CCDC91: variants seen among roughly 807,000 people sequenced by gnomAD.
The protein encoded by CCDC91 is coiled-coil domain containing 91, also known as coiled-coil domain-containing protein 91.
CCDC91 carries 48 observed loss-of-function variants against 63.2 expected under a neutral mutation model. The observed-to-expected ratio is 0.76, with a 90% CI of 0.60 to 0.97. The LOEUF (loss-of-function observed/expected upper bound fraction) is 0.97. CCDC91 is among the 50% of genes least tolerant of loss of function. CCDC91 has a pLI of 0.00. For synonymous variants in CCDC91, 167 were observed against 165.8 expected, an observed-to-expected ratio of 1.01 and a Z score of -0.06; for missense variants, 500 against 494.6, an observed-to-expected ratio of 1.01 and a Z score of -0.10.
At chr12:28,232,483 A>G (rs918384193) in intron 1 of CCDC91, among the ~76,000 whole-genome samples, 3 of 152,122 alleles carry the variant, frequency 2.0e-5, no homozygotes, top group African/African-American at 7.2e-5. Context: ...GTTACTATAA[A>G]TTCATCTTTG....
At chr12:28,429,698 G>A (rs1313003024) in intron 8 of CCDC91, among the ~76,000 whole-genome samples, 1 of 151,982 alleles carries the variant, frequency 6.6e-6, no homozygotes, top group Non-Finnish European at 1.5e-5. Context: ...TAAAAATTAA[G>A]TTCCTTAAAT....
At chr12:28,522,706 C>T (rs1209674739) in intron 12 of CCDC91, among the ~76,000 whole-genome samples, 3 of 151,614 alleles carry the variant, frequency 2.0e-5, no homozygotes, top group Non-Finnish European at 4.4e-5. Context: ...CTCTTGTGGG[C>T]ATTTAGTGCT....
chr12:28,290,925 T>C (rs1475280273), intron 3 of CCDC91, among the ~76,000 whole-genome samples: 1 of 152,238 alleles, frequency 6.6e-6, no homozygotes, highest in African/African-American at 2.4e-5. Context: ...GGTATAACTT[T>C]GGTATTTTAC....
At chr12:28,277,110 C>T (rs1044741123) in intron 3 of CCDC91, among the ~76,000 whole-genome samples, 4 of 151,852 alleles carry the variant, frequency 2.6e-5, no homozygotes, top group African/African-American at 4.8e-5. Flanking sequence ...TGTAAGATCA[C>T]GCAGAGTAGA....
intron 12 of CCDC91, among the ~76,000 whole-genome samples, chr12:28,505,139 G>A (rs1231450869): frequency 6.6e-6 from 1 of 151,852 alleles, no homozygotes; most frequent in Non-Finnish European, 1.5e-5. Context: ...CTTCTTTTTA[G>A]TTTTTCCAAA....
At position 28,437,387 on chromosome 12, in the gene CCDC91, A is replaced by G. The variant is rs904991481; in HGVS notation, c.763-12774A>G. On this transcript the variant is annotated intron_variant, in intron 8 of 12. Coordinates refer to ENST00000536442, the MANE Select transcript of CCDC91 (RefSeq NM_018318.5). ...AATGTTGCCTTATATATCTTCATGC[A>G]TATTGTTTTTATTCCTTTGTATTAC... 1.6e-4 allele frequency among the ~76,000 whole-genome samples: 24 copies of G among 152,122 alleles called. 1 individual carries two copies. Among genetic ancestry groups the G allele is most frequent in the Admixed American group, 1.3e-3 (20 of 15,252 alleles).
chr12:28,523,354 C>T (rs374347215), intron 12 of CCDC91, among the ~76,000 whole-genome samples: 5 of 152,020 alleles, frequency 3.3e-5, no homozygotes, highest in African/African-American at 9.6e-5. Flanking sequence ...CTTTTGATCT[C>T]TGTTGGTTTA....
chr12:28,314,433 A>C (rs901384145), intron 6 of CCDC91, among the ~76,000 whole-genome samples: 2 of 152,030 alleles, frequency 1.3e-5, no homozygotes, highest in Admixed American at 1.3e-4. Flanking sequence ...GTGCTTTATA[A>C]AGTTGGTTAA....
intron 6 of CCDC91, among the ~76,000 whole-genome samples, chr12:28,315,866 A>G (rs191871725): frequency 1.5e-4 from 23 of 151,916 alleles, no homozygotes; most frequent in Non-Finnish European, 2.2e-4. Flanking sequence ...AATGATAAAT[A>G]TACATATATC....
At chr12:28,263,728 T>C in intron 3 of CCDC91, among the ~76,000 whole-genome samples, 1 of 152,180 alleles carries the variant, frequency 6.6e-6, no homozygotes, top group South Asian at 2.1e-4. Flanking sequence ...GTCTGAGATT[T>C]GGAGGGTAGT....
chr12:28,386,082 A>T (rs562178253), intron 7 of CCDC91, among the ~76,000 whole-genome samples: 6 of 152,314 alleles, frequency 3.9e-5, no homozygotes, highest in Admixed American at 3.3e-4. Context: ...CTTGTCTTAG[A>T]TAATAACTTA....
chr12:28,543,689 G>C (rs1488911147), intron 12 of CCDC91, among the ~76,000 whole-genome samples: 4 of 151,896 alleles, frequency 2.6e-5, no homozygotes, highest in African/African-American at 9.7e-5. Flanking sequence ...TTCAAGGCCT[G>C]ATATCTCCCC....
chr12:28,488,003 A>G (rs112662922), intron 12 of CCDC91, among the ~76,000 whole-genome samples: 3 of 151,898 alleles, frequency 2.0e-5, no homozygotes, highest in African/African-American at 4.8e-5. Context: ...CTTATGGATT[A>G]TCTAACAATA....
chr12:28,478,048 A>G (rs1338634267), intron 11 of CCDC91, among the ~76,000 whole-genome samples: 1 of 152,196 alleles, frequency 6.6e-6, no homozygotes, highest in Non-Finnish European at 1.5e-5. Context: ...AAGGTAATTT[A>G]TAGATTCAAT....
intron 7 of CCDC91, among the ~76,000 whole-genome samples, chr12:28,373,932 G>T (rs1944784094): frequency 6.6e-6 from 1 of 152,112 alleles, no homozygotes; most frequent in South Asian, 2.1e-4. Context: ...TGAAGAAGGT[G>T]CATTGCTTGC....
intron 6 of CCDC91, among the ~76,000 whole-genome samples, chr12:28,316,575 T>C: frequency 6.9e-6 from 1 of 144,222 alleles, no homozygotes; most frequent in East Asian, 2.0e-4. Context: ...TTTTTTTTTT[T>C]TTTTTTTGCT....
At position 28,549,986 on chromosome 12, in the gene CCDC91, T is replaced by C. The variant is rs150411162; in HGVS notation, c.*813T>C. ...AATCTTTTCCCAGTATTTCAGAATGTACTTAATTCACAGGCAGGATGCTTC... is the reference window on the plus strand; with the variant it reads ...AATCTTTTCCCAGTATTTCAGAATGCACTTAATTCACAGGCAGGATGCTTC... On this transcript the variant is annotated 3_prime_UTR_variant, in exon 13 of 13. Transcript: ENST00000536442. 84 of 152,676 alleles carry C rather than the reference T, an allele frequency of 5.5e-4. No individual in the cohort carries two copies. Among genetic ancestry groups the C allele is most frequent in the African/African-American group, 1.9e-3 (81 of 41,586 alleles). 9.5% of individuals were successfully genotyped at this position (152,676 alleles called of 1,614,324 possible).
At chr12:28,239,515 A>G (rs1945190263) in intron 1 of CCDC91, among the ~76,000 whole-genome samples, 1 of 152,182 alleles carries the variant, frequency 6.6e-6, no homozygotes. Context: ...GGGAGTTCAT[A>G]TTAAGGTATT....
intron 8 of CCDC91, among the ~76,000 whole-genome samples, chr12:28,402,263 T>C (rs188167917): frequency 1.2e-4 from 18 of 152,332 alleles, no homozygotes; most frequent in Admixed American, 7.2e-4. Context: ...TTTTCTTATC[T>C]ATGAACGTTG....
Sources: allele counts gnomAD v4.1 joint callset (sites outside exome capture counted in the v4.1 genomes callset), GRCh38; gene constraint gnomAD v4.1.1; transcripts MANE v1.5; gene names NCBI Gene and HGNC (gene_info 2026-07-23, HGNC 2026-07-21).